Variants in ZKSCAN5 observed in about 807,000 individuals in gnomAD.
ZKSCAN5 encodes the protein zinc finger with KRAB and SCAN domains 5.
A neutral mutation model predicts 60.0 loss-of-function variants in ZKSCAN5; 28 were observed. That is an observed-to-expected ratio of 0.47 (90% CI 0.35 to 0.64). ZKSCAN5 has a LOEUF of 0.64. Among genes scored for constraint, ZKSCAN5 ranks in the 30% least tolerant of loss-of-function variants. The pLI is 0.01. For synonymous variants in ZKSCAN5, 361 were observed against 371.2 expected (o/e 0.97, Z 0.31); for missense variants, 881 against 1,034.6 (o/e 0.85, Z 2.04).
Position 99,534,170 on chromosome 7 carries a change from A to T in ZKSCAN5, c.*1921A>T, listed in dbSNP as rs10231948. ...GAAAATGACAGGGCAAATAACCACC[A>T]ATTTAATGCCAAGTGTGTGTCAGAG... On this transcript the variant is annotated 3_prime_UTR_variant, in exon 7 of 7. Coordinates refer to ENST00000326775, the MANE Select transcript of ZKSCAN5 (RefSeq NM_145102.4). The T allele has an allele frequency of 0.055, 8,319 of 152,296 alleles. 689 individuals carry two copies. The highest frequency in any genetic ancestry group is 0.18 in the African/African-American group (7,385 of 41,508). 9.4% of individuals were successfully genotyped at this position (152,296 alleles called of 1,614,324 possible). A position where few individuals can be genotyped will look rare whatever the true frequency, so the allele number is the denominator to read the frequency against.
chr7:99,515,940 A>G (rs1435634173), intron 3 of ZKSCAN5, among the ~76,000 whole-genome samples: 2 of 151,864 alleles, frequency 1.3e-5, no homozygotes, highest in African/African-American at 4.8e-5. Flanking sequence ...TTTGAACCCA[A>G]GCAGCCTGAC....
intron 2 of ZKSCAN5, among the ~76,000 whole-genome samples, chr7:99,510,302 T>C (rs1353277946): frequency 1.3e-5 from 2 of 151,968 alleles, no homozygotes; most frequent in Non-Finnish European, 1.5e-5. Context: ...TGCAGTGGCC[T>C]GATCTTGGCT....
intron 5 of ZKSCAN5, among the ~76,000 whole-genome samples, chr7:99,521,508 AT>A (rs1801539601): frequency 6.6e-6 from 1 of 152,092 alleles, no homozygotes; most frequent in African/African-American, 2.4e-5. Context: ...ACAATGCAAA[AT>A]TTCTTTTGAA....
At chr7:99,527,546 C>G (rs1415439411) in intron 6 of ZKSCAN5, among the ~76,000 whole-genome samples, 12 of 152,098 alleles carry the variant, frequency 7.9e-5, no homozygotes, top group Non-Finnish European at 1.5e-5. Context: ...CAGGGCTGTT[C>G]AGCCCTCCTT....
At chr7:99,509,306 T>C (rs1800909793) in intron 2 of ZKSCAN5, among the ~76,000 whole-genome samples, 1 of 152,138 alleles carries the variant, frequency 6.6e-6, no homozygotes, top group African/African-American at 2.4e-5. Context: ...GTATTTTTAG[T>C]AGAGATGGTG....
intron 6 of ZKSCAN5, among the ~76,000 whole-genome samples, chr7:99,527,794 C>T (rs567388614): frequency 1.4e-4 from 21 of 152,274 alleles, no homozygotes; most frequent in East Asian, 3.9e-4. Flanking sequence ...AAGCGATTCT[C>T]GTGCCTCAGC....
chr7:99,533,676 C>T lies in ZKSCAN5; in HGVS notation c.*1427C>T, dbSNP rs1042178508. The T allele has an allele frequency of 5.0e-6, 2 of 401,762 alleles. No individual in the cohort carries two copies. Among genetic ancestry groups the T allele is most frequent in the Admixed American group, 8.6e-5 (2 of 23,180 alleles). The allele number at this position is 401,762 out of a possible 1,614,324, so 24.9% of individuals were successfully genotyped here. ...CATTTGATTAAAGCGGAGAAAACTC[C>T]AGGGTGCTATGACTGCTCTGGCACC... On this transcript the variant is annotated 3_prime_UTR_variant, in exon 7 of 7. Transcript: ENST00000326775.
intron 5 of ZKSCAN5, 98 bp from the exon 6 acceptor site, chr7:99,525,715 A>G: frequency 6.8e-7 from 1 of 1,459,972 alleles, no homozygotes. Context: ...AGAATCATGG[A>G]TCCCTAGCAC....
intron 2 of ZKSCAN5, 65 bp downstream of exon 2, chr7:99,506,523 G>A: frequency 6.6e-7 from 1 of 1,512,828 alleles, no homozygotes; most frequent in South Asian, 1.3e-5. Flanking sequence ...GAGCAGGGGT[G>A]AGATTCTTAG....
intron 6 of ZKSCAN5, among the ~76,000 whole-genome samples, 197 bp downstream of exon 6, chr7:99,526,615 C>T (rs917824449): frequency 6.6e-6 from 1 of 152,080 alleles, no homozygotes; most frequent in East Asian, 1.9e-4. Flanking sequence ...AGTGCAGTGG[C>T]GAGATCTCAG....
chr7:99,507,529 GTGTATATATATATGTATATATA>G (rs1800812637), intron 2 of ZKSCAN5, among the ~76,000 whole-genome samples: 1 of 120,192 alleles, frequency 8.3e-6, no homozygotes, highest in Admixed American at 8.4e-5. Context: ...ATATGTATAT[GTGTATATATATATGTATATATA>G]TGTATATATA....
At chr7:99,513,248 A>G (rs1490400312) in intron 3 of ZKSCAN5, among the ~76,000 whole-genome samples, 2 of 152,012 alleles carry the variant, frequency 1.3e-5, no homozygotes, top group Non-Finnish European at 2.9e-5. Flanking sequence ...GGAAAGACAC[A>G]TGCACACGTA....
At chr7:99,521,576 T>A (rs1457888132) in intron 5 of ZKSCAN5, among the ~76,000 whole-genome samples, 1 of 152,208 alleles carries the variant, frequency 6.6e-6, no homozygotes, top group Non-Finnish European at 1.5e-5. Flanking sequence ...AAGCTTTTAT[T>A]TAACAGGTAT....
rs1019603603 is a variant in ZKSCAN5, at chr7:99,533,600, C to T, written c.*1351C>T. 1 of 407,004 alleles carries T rather than the reference C, an allele frequency of 2.5e-6. No homozygotes were observed. Among genetic ancestry groups the T allele is most frequent in the South Asian group, 1.2e-4 (1 of 8,578 alleles). 25.2% of individuals were successfully genotyped at this position (407,004 alleles called of 1,614,324 possible). A position where few individuals can be genotyped will look rare whatever the true frequency, so the allele number is the denominator to read the frequency against. On this transcript the variant is annotated 3_prime_UTR_variant, in exon 7 of 7. Transcript: ENST00000326775. ...AGAATTGCCCTCAGGAGATGAGAGC[C>T]ATCTCACCTCACCCAGGAGTCACTT...
chr7:99,519,576 C>T (rs1801428359), intron 3 of ZKSCAN5, among the ~76,000 whole-genome samples: 1 of 152,096 alleles, frequency 6.6e-6, no homozygotes, highest in African/African-American at 2.4e-5. Flanking sequence ...TGTGCCTGGT[C>T]ACAGAATGCA....
Position 99,533,617 on chromosome 7 carries a change from G to A in ZKSCAN5, c.*1368G>A. On this transcript the variant is annotated 3_prime_UTR_variant, in exon 7 of 7. Coordinates refer to ENST00000326775, the MANE Select transcript of ZKSCAN5 (RefSeq NM_145102.4). ...ATGAGAGCCATCTCACCTCACCCAG[G>A]AGTCACTTCCTCTCTACACCCCAAC... 1 of 406,418 alleles carries A rather than the reference G, an allele frequency of 2.5e-6. No homozygotes were observed. Among genetic ancestry groups the A allele is most frequent in the East Asian group, 3.5e-5 (1 of 28,388 alleles). The allele number at this position is 406,418 out of a possible 1,614,324, so 25.2% of individuals were successfully genotyped here.
chr7:99,530,969 A>G (rs1007273674), intron 6 of ZKSCAN5, 139 bp from the exon 7 acceptor site: 44 of 712,694 alleles, frequency 6.2e-5, no homozygotes, highest in African/African-American at 4.5e-4. Context: ...AGGCAGGAGA[A>G]TCACTTGAAC....
intron 5 of ZKSCAN5, among the ~76,000 whole-genome samples, chr7:99,525,321 A>G (rs1000582612): frequency 2.6e-5 from 4 of 151,730 alleles, no homozygotes; most frequent in African/African-American, 9.7e-5. Flanking sequence ...AAAATATAAA[A>G]ATTAGCTGAG....
At chr7:99,519,718 C>A in intron 3 of ZKSCAN5, 109 bp from the exon 4 acceptor site, 1 of 1,028,332 alleles carries the variant, frequency 9.7e-7, no homozygotes, top group Non-Finnish European at 1.4e-6. Context: ...AAGAATTTGG[C>A]CTCGGCGCAG....
Sources: gnomAD v4.1 joint callset for allele counts (sites outside exome capture counted in the v4.1 genomes callset) on GRCh38, gnomAD v4.1.1 for gene constraint, MANE v1.5 for transcripts, NCBI Gene and HGNC (gene_info 2026-07-23, HGNC 2026-07-21) for gene names.